KLF8: variants seen among roughly 807,000 people sequenced by gnomAD.
The protein encoded by KLF8 is Krueppel-like factor 8.
A neutral mutation model predicts 18.2 loss-of-function variants in KLF8; 10 were observed. That is an observed-to-expected ratio of 0.55 (90% CI 0.34 to 0.93). The LOEUF is 0.93. Among genes scored for constraint, KLF8 ranks in the 40% least tolerant of loss-of-function variants. KLF8 has a pLI of 0.02. For missense variants in KLF8, 264 were observed against 277.9 expected (o/e 0.95, Z 0.36); for synonymous variants, 109 against 97.3 (o/e 1.12, Z -0.71).
At chrX:56,268,939 T>C (rs2067007955) in intron 3 of KLF8, 2 of 949,737 alleles carry the variant, frequency 2.1e-6, no homozygotes, top group East Asian at 1.6e-4. Flanking sequence ...GTGGATGTTC[T>C]CACATCTGGA....
rs749659954 is a variant in KLF8, at chrX:56,251,451, ATATTTATT to A, written c.81+1169_81+1176del. Among the ~76,000 whole-genome samples the A allele has an allele frequency of 4.6e-4, 51 of 110,239 alleles. No individual in the cohort carries two copies. In the East Asian group the frequency reaches 5.1e-3, roughly 11 times the overall value. ...TTTATTTTATTTTTTGAATTTTTAT[ATATTTATT>A]TATTTATTTATTTATTTATTTGAGA... On this transcript the variant is annotated intron_variant, in intron 2 of 5. Transcript: ENST00000468660.
At chrX:56,008,137 TAC>T in the KLF8 span, among the ~76,000 whole-genome samples, 1 of 106,464 alleles carries the variant, frequency 9.4e-6, no homozygotes, top group Non-Finnish European at 1.9e-5. Flanking sequence ...TATATATATA[TAC>T]ACACACAAAT....
chrX:56,039,664 A>T, the KLF8 span, among the ~76,000 whole-genome samples: 1 of 111,840 alleles, frequency 8.9e-6, no homozygotes, highest in African/African-American at 3.3e-5. Flanking sequence ...AGATAGCATG[A>T]TGCCCCCAGT....
the KLF8 span, among the ~76,000 whole-genome samples, chrX:56,194,490 G>T: frequency 4.5e-5 from 5 of 112,152 alleles, no homozygotes; most frequent in African/African-American, 1.3e-4. Context: ...ACTGCGAGGT[G>T]GCAGCCTGAC....
the KLF8 span, among the ~76,000 whole-genome samples, chrX:56,032,348 A>G: frequency 1.8e-5 from 2 of 111,099 alleles, no homozygotes; most frequent in African/African-American, 6.6e-5. Flanking sequence ...TATAATTTAT[A>G]TTTAGTAAAA....
rs1324084648 is a variant in KLF8, at chrX:56,290,661, A to C, written c.*6167A>C. ...CTCAGAAGCACAAAGGCAATTTTCCAGAGCCCTTTAAGCTTTGGCCAGTTC... is the reference window on the plus strand; with the variant it reads ...CTCAGAAGCACAAAGGCAATTTTCCCGAGCCCTTTAAGCTTTGGCCAGTTC... On this transcript the variant is annotated 3_prime_UTR_variant, in exon 6 of 6. Coordinates refer to ENST00000468660, the MANE Select transcript of KLF8 (RefSeq NM_007250.5). Among the ~76,000 whole-genome samples, 7 of 111,341 alleles carry C rather than the reference A, an allele frequency of 6.3e-5. No homozygotes were observed. The highest frequency in any genetic ancestry group is 2.3e-4 in the African/African-American group (7 of 30,611).
At chrX:56,046,526 A>G in the KLF8 span, among the ~76,000 whole-genome samples, 1 of 109,891 alleles carries the variant, frequency 9.1e-6, no homozygotes, top group African/African-American at 3.3e-5. Flanking sequence ...TGCGTTAAGG[A>G]GGTTCTATTT....
At chrX:56,186,384 G>C in the KLF8 span, among the ~76,000 whole-genome samples, 4 of 111,531 alleles carry the variant, frequency 3.6e-5, no homozygotes, top group South Asian at 3.7e-4. Flanking sequence ...AGCAAGTCCT[G>C]AGTGACCTAC....
At chrX:56,013,908 G>A in the KLF8 span, among the ~76,000 whole-genome samples, 2 of 111,435 alleles carry the variant, frequency 1.8e-5, no homozygotes, top group Admixed American at 9.6e-5. Context: ...TTAATAAATG[G>A]TGCTGGAAGA....
At chrX:55,940,901 C>T in the KLF8 span, among the ~76,000 whole-genome samples, 2 of 111,756 alleles carry the variant, frequency 1.8e-5, no homozygotes, top group African/African-American at 6.5e-5. Flanking sequence ...AAGAACATTC[C>T]ATGCTCATGG....
chrX:56,028,651 G>A, the KLF8 span, among the ~76,000 whole-genome samples: 13 of 111,514 alleles, frequency 1.2e-4, no homozygotes, highest in Non-Finnish European at 2.1e-4. Flanking sequence ...TCGAGCCAAC[G>A]CCTCCCTGAA....
At chrX:56,158,535 T>C in the KLF8 span, among the ~76,000 whole-genome samples, 1 of 111,947 alleles carries the variant, frequency 8.9e-6, no homozygotes, top group Non-Finnish European at 1.9e-5. Context: ...TGGAATGTTC[T>C]TCCATTTGTT....
chrX:56,220,465 GT>G, the KLF8 span, among the ~76,000 whole-genome samples: 1 of 107,503 alleles, frequency 9.3e-6, no homozygotes, highest in African/African-American at 3.7e-5. Flanking sequence ...TTTTTCGTGG[GT>G]TTTTTTCTTT....
intron 5 of KLF8, among the ~76,000 whole-genome samples, chrX:56,271,292 C>CA (rs367634104): frequency 1.5e-3 from 148 of 98,709 alleles, no homozygotes; most frequent in East Asian, 2.8e-3. Flanking sequence ...TAAAGAAAAG[C>CA]AAAAAAAAAA....
intron 5 of KLF8, among the ~76,000 whole-genome samples, chrX:56,274,565 G>A: frequency 8.9e-6 from 1 of 111,791 alleles, no homozygotes. Flanking sequence ...TGCTTGTGGG[G>A]TATTGCTCAA....
At chrX:55,982,377 C>A in the KLF8 span, among the ~76,000 whole-genome samples, 1 of 111,498 alleles carries the variant, frequency 9.0e-6, no homozygotes, top group Non-Finnish European at 1.9e-5. Flanking sequence ...CACAGCTTCT[C>A]CTAAGACTAT....
chrX:56,199,665 G>C, the KLF8 span, among the ~76,000 whole-genome samples: 2 of 111,757 alleles, frequency 1.8e-5, no homozygotes, highest in African/African-American at 6.5e-5. Flanking sequence ...TTGTCTAAGA[G>C]AGTGTGGCGA....
the KLF8 span, among the ~76,000 whole-genome samples, chrX:56,058,269 C>CATATATATATATATATATAT: frequency 1.3e-4 from 2 of 15,959 alleles, no homozygotes; most frequent in Non-Finnish European, 1.2e-4. Flanking sequence ...CATATATATA[C>CATATATATATATATATATAT]ATATATATAC....
chrX:56,208,211 G>C, the KLF8 span, among the ~76,000 whole-genome samples: 1 of 111,782 alleles, frequency 8.9e-6, no homozygotes, highest in Non-Finnish European at 1.9e-5. Context: ...AATCTTGGTA[G>C]TTTGTATGTG....
Sources: gnomAD v4.1 joint callset for allele counts (sites outside exome capture counted in the v4.1 genomes callset) on GRCh38, gnomAD v4.1.1 for gene constraint, MANE v1.5 for transcripts, NCBI Gene and HGNC (gene_info 2026-07-23, HGNC 2026-07-21) for gene names.